The following DISC1 variants were observed in gnomAD, a reference collection of about 807,000 sequenced individuals.
DISC1 encodes the protein DISC1 scaffold protein.
DISC1 carries 57 observed loss-of-function variants against 84.5 expected under a neutral mutation model. That is an observed-to-expected ratio of 0.67 (90% confidence interval 0.55 to 0.84). DISC1 has a LOEUF of 0.84. Among genes scored for constraint, DISC1 ranks in the 40% least tolerant of loss-of-function variants. The pLI is 0.00. For missense variants in DISC1, 1,000 were observed against 1,057.8 expected (o/e 0.95, Z 0.76); for synonymous variants, 411 against 415.2 (o/e 0.99, Z 0.12).
intron 6 of DISC1, among the ~76,000 whole-genome samples, chr1:231,781,068 G>A (rs1401079510): frequency 2.7e-5 from 4 of 149,078 alleles, no homozygotes. Context: ...CTAGATGACG[G>A]TTAGTGGGTT....
chr1:231,627,010 A>G (rs2058307790), intron 1 of DISC1, 76 bp downstream of exon 1: 3 of 1,073,836 alleles, frequency 2.8e-6, no homozygotes, highest in Non-Finnish European at 3.8e-6. Context: ...GCCCCCAGGA[A>G]GTCGCGTAGG....
At position 232,026,493 on chromosome 1, in the gene DISC1, T is replaced by G. The variant is rs757134520; in HGVS notation, c.2366T>G (p.Leu789Arg). ...AAGTGTGAAGACATAGGCAAGAAGC[T>G]ATTGTACTTGGAAGATCAACTTCAC... Reference protein sequence around the residue: ...GEKCEDIGKKLLYLEDQLHTA... With the variant: ...GEKCEDIGKKRLYLEDQLHTA... Residue 789 changes from leucine (L) to arginine (R), a missense_variant, in exon 12 of 13, where the codon CTA becomes CGA. Transcript: ENST00000439617. The G allele has an allele frequency of 1.9e-6, 3 of 1,609,096 alleles. No homozygotes were observed. The Admixed American group carries it at 5.0e-5, about 27-fold the overall frequency.
At chr1:231,893,572 CT>C (rs2087428064) in intron 9 of DISC1, among the ~76,000 whole-genome samples, 1 of 152,180 alleles carries the variant, frequency 6.6e-6, no homozygotes, top group South Asian at 2.1e-4. Flanking sequence ...CATCTTGTGG[CT>C]TTGCCATGTG....
In DISC1 at chr1:231,660,579, G is replaced by A. The variant is rs1243161367; in HGVS notation, c.68-33247G>A. Among the ~76,000 whole-genome samples the A allele has an allele frequency of 3.3e-5, 5 of 152,112 alleles. No homozygotes were observed. The East Asian group carries it at 5.8e-4, about 18-fold the overall frequency. On this transcript the variant is annotated intron_variant, in intron 1 of 12. Coordinates refer to ENST00000439617, the MANE Select transcript of DISC1 (RefSeq NM_018662.3). ...GCAACCTCTGCCTCCCGGGTGAAGC[G>A]ATTCTCCTGCCTCAGCCTCCCGAGT...
chr1:231,647,465 A>C lies in DISC1; in HGVS notation c.67+20531A>C, dbSNP rs539374742. ...AGCACCATGCTGTTTTGGTTACTGT[A>C]GCCTTGTAGTATAGTTTGAAGTAGT... On this transcript the variant is annotated intron_variant, in intron 1 of 12. Transcript: ENST00000439617. 1.6e-3 allele frequency among the ~76,000 whole-genome samples: 248 copies of C among 152,266 alleles called. 2 individuals are homozygous for C. Among genetic ancestry groups the C allele is most frequent in the African/African-American group, 5.6e-3 (232 of 41,536 alleles).
At position 231,818,581 on chromosome 1, in the gene DISC1, G is replaced by A. The variant is rs2081261730; in HGVS notation, c.1981+64G>A. On this transcript the variant is annotated intron_variant, in intron 9 of 12. Coordinates refer to ENST00000439617, the MANE Select transcript of DISC1 (RefSeq NM_018662.3). ...GATATTTGTTGTGTTTTGTGGCCAG[G>A]CAGAATGTTCTGTGCCTTATGTGAA... is the stretch of plus-strand genomic sequence containing the variant. 3.1e-6 allele frequency: 5 copies of A among 1,604,012 alleles called. No homozygotes were observed. The African/African-American group carries it at 4.0e-5, about 13-fold the overall frequency.
Position 231,897,518 on chromosome 1 carries a change from T to C in DISC1, c.1982-61310T>C, listed in dbSNP as rs2087798886. Among the ~76,000 whole-genome samples, 1 of 152,200 alleles carries C rather than the reference T, an allele frequency of 6.6e-6. No individual in the cohort carries two copies. Among genetic ancestry groups the C allele is most frequent in the Non-Finnish European group, 1.5e-5 (1 of 68,030 alleles). On this transcript the variant is annotated intron_variant, in intron 9 of 12. Transcript: ENST00000439617. This position sits in a 1 kb window ranked among gnomAD's most constrained non-coding sequence, Gnocchi z 4.5. ...GCGCAGACTAAATCGTCTTTTTCTT[T>C]ATCTTTTTTTTTTCCTTTAACAACC... is the stretch of plus-strand genomic sequence containing the variant.
intron 3 of DISC1, chr1:231,722,705 A>C: frequency 5.1e-6 from 8 of 1,575,618 alleles, no homozygotes; most frequent in Non-Finnish European, 6.9e-6. Context: ...CCCACGTGGA[A>C]GAATACGCTC....
intron 3 of DISC1, among the ~76,000 whole-genome samples, chr1:231,733,886 G>A (rs575792934): frequency 4.0e-5 from 6 of 151,202 alleles, no homozygotes; most frequent in African/African-American, 1.5e-4. Flanking sequence ...GTGATGGTTG[G>A]GGGGTGGTGA....
chr1:231,774,059 T>A (rs189356337), intron 6 of DISC1, among the ~76,000 whole-genome samples: 2 of 151,910 alleles, frequency 1.3e-5, no homozygotes, highest in Admixed American at 1.3e-4. Flanking sequence ...GTCCAGGAAT[T>A]TGACACCTAA....
At chr1:231,772,446 A>G (rs919869730) in intron 6 of DISC1, among the ~76,000 whole-genome samples, 1 of 152,190 alleles carries the variant, frequency 6.6e-6, no homozygotes, top group African/African-American at 2.4e-5. Context: ...AAGACTTCCT[A>G]CAACTCACCA....
intron 1 of DISC1, among the ~76,000 whole-genome samples, chr1:231,684,523 C>A (rs1294835698): frequency 1.3e-5 from 2 of 152,020 alleles, no homozygotes; most frequent in Non-Finnish European, 2.9e-5. Flanking sequence ...ATACAGTAGG[C>A]ACCTGTGTAA....
rs539664759 is a variant in DISC1 at position 231,829,814 on chromosome 1, G to A, written c.1981+11297G>A. 6.0e-5 allele frequency among the ~76,000 whole-genome samples: 9 copies of A among 150,664 alleles called. No homozygotes were observed. The South Asian group carries it at 1.1e-3, about 18-fold the overall frequency. On this transcript the variant is annotated intron_variant, in intron 9 of 12. Transcript: ENST00000439617. ...GGTGGGGCTGTTTTATAAGATTTGG[G>A]TAGGTAAAGGAAAATTACAGTCAAA...
chr1:232,003,545 T>G (rs950156283), intron 10 of DISC1, among the ~76,000 whole-genome samples: 1 of 152,106 alleles, frequency 6.6e-6, no homozygotes, highest in African/African-American at 2.4e-5. Context: ...TTTCAGAAAC[T>G]CATAGATGAA....
At chr1:231,719,608 G>A (rs1390156388) in intron 3 of DISC1, among the ~76,000 whole-genome samples, 1 of 152,146 alleles carries the variant, frequency 6.6e-6, no homozygotes, top group Non-Finnish European at 1.5e-5. Flanking sequence ...GATGGTGCAT[G>A]CTAAATATTT....
intron 9 of DISC1, among the ~76,000 whole-genome samples, chr1:231,955,295 C>G (rs926597235): frequency 6.6e-6 from 1 of 152,160 alleles, no homozygotes. Flanking sequence ...TTCCCAAACT[C>G]CAGACTCAGA....
chr1:231,761,911 A>G (rs1025247965), intron 4 of DISC1, among the ~76,000 whole-genome samples: 1 of 140,622 alleles, frequency 7.1e-6, no homozygotes, highest in Non-Finnish European at 1.5e-5. Context: ...CCTTCCCTCC[A>G]GGTTCACAGT....
At chr1:231,881,052 G>A (rs1463151966) in intron 9 of DISC1, among the ~76,000 whole-genome samples, 2 of 152,098 alleles carry the variant, frequency 1.3e-5, no homozygotes, top group Non-Finnish European at 2.9e-5. Context: ...TGCAAGCTGG[G>A]TTTATTTTCC....
intron 9 of DISC1, among the ~76,000 whole-genome samples, chr1:231,863,422 G>A (rs1271173828): frequency 6.6e-6 from 1 of 151,472 alleles, no homozygotes; most frequent in Non-Finnish European, 1.5e-5. Context: ...GTAGAGAAGG[G>A]GTTTCACCAT....
Sources: allele counts gnomAD v4.1 joint callset (sites outside exome capture counted in the v4.1 genomes callset), GRCh38; gene constraint gnomAD v4.1.1; non-coding constraint Gnocchi (gnomAD v3.1); transcripts MANE v1.5; gene names NCBI Gene and HGNC (gene_info 2026-07-23, HGNC 2026-07-21).